Variants in RYR2 observed in about 807,000 individuals in gnomAD.
RYR2 encodes the protein cardiac muscle ryanodine receptor-calcium release channel.
RYR2 carries 227 observed loss-of-function variants against 601.1 expected under a neutral mutation model. The ratio of observed to expected loss-of-function variants is 0.38; its 90% CI spans 0.34 to 0.42. RYR2 has a LOEUF of 0.42. Ranked by LOEUF, RYR2 falls within the 10% of genes least tolerant of loss-of-function variation. The probability of loss-of-function intolerance (pLI) is 1.00; values close to 1 mark genes in which losing one functional copy is unlikely to be tolerated. For synonymous variants in RYR2, 2,223 were observed against 2,175.1 expected (o/e 1.02, Z -0.61); for missense variants, 4,646 against 6,156.5 (o/e 0.75, Z 8.21).
chr1:237,417,818 T>C (rs1264059043), intron 11 of RYR2, among the ~76,000 whole-genome samples: 1 of 152,138 alleles, frequency 6.6e-6, no homozygotes, highest in African/African-American at 2.4e-5. Flanking sequence ...CTATTTTAAG[T>C]AGAATTAAAA....
intron 1 of RYR2, among the ~76,000 whole-genome samples, chr1:237,102,428 C>T (rs1430982172): frequency 6.6e-6 from 1 of 152,238 alleles, no homozygotes; most frequent in East Asian, 1.9e-4. Context: ...AATACAGATA[C>T]ATCCATGAGG....
chr1:237,438,055 C>A (rs1231214396), intron 12 of RYR2, among the ~76,000 whole-genome samples: 1 of 152,054 alleles, frequency 6.6e-6, no homozygotes, highest in African/African-American at 2.4e-5. Context: ...TACTGATTAA[C>A]TTTTAATTTC....
intron 2 of RYR2, among the ~76,000 whole-genome samples, chr1:237,317,781 C>A (rs373125090): frequency 2.0e-5 from 3 of 151,918 alleles, no homozygotes; most frequent in Non-Finnish European, 2.9e-5. Flanking sequence ...GTAGCTGTTT[C>A]ACCTCTTACG....
intron 102 of RYR2, among the ~76,000 whole-genome samples, chr1:237,829,708 G>T (rs1324232953): frequency 6.6e-6 from 1 of 152,192 alleles, no homozygotes; most frequent in African/African-American, 2.4e-5. Context: ...TAATCATCTT[G>T]ATTGTAGTTC....
intron 92 of RYR2, among the ~76,000 whole-genome samples, chr1:237,790,237 C>A (rs1405592879): frequency 6.6e-6 from 1 of 152,132 alleles, no homozygotes; most frequent in Non-Finnish European, 1.5e-5. Context: ...TGCTGAGGCT[C>A]CCAAATTCAG....
At chr1:237,060,189 A>G (rs1046566410) in intron 1 of RYR2, among the ~76,000 whole-genome samples, 2 of 152,224 alleles carry the variant, frequency 1.3e-5, no homozygotes, top group Non-Finnish European at 2.9e-5. Flanking sequence ...AATACAAATT[A>G]TATATAAAAT....
chr1:237,526,901 T>A (rs1284557285), intron 24 of RYR2, among the ~76,000 whole-genome samples: 1 of 152,224 alleles, frequency 6.6e-6, no homozygotes, highest in Non-Finnish European at 1.5e-5. Flanking sequence ...CCTAGGCCAA[T>A]GTCCAGAAGA....
chr1:237,628,462 T>C (rs1176399338), intron 41 of RYR2, among the ~76,000 whole-genome samples: 3 of 149,136 alleles, frequency 2.0e-5, no homozygotes, highest in African/African-American at 5.0e-5. Flanking sequence ...TGAGTGAGAA[T>C]ATGCGGTGTT....
At chr1:237,486,714 C>A (rs761362992) in intron 17 of RYR2, among the ~76,000 whole-genome samples, 7 of 152,024 alleles carry the variant, frequency 4.6e-5, no homozygotes, top group Non-Finnish European at 1.0e-4. Flanking sequence ...TTTTAAAATA[C>A]GTTTCTTACT....
chr1:237,796,784 A>G (rs1659286693), intron 96 of RYR2, among the ~76,000 whole-genome samples: 1 of 149,360 alleles, frequency 6.7e-6, no homozygotes, highest in East Asian at 2.0e-4. Flanking sequence ...TGTTCCCTCC[A>G]TTTTCTTTTT....
chr1:237,652,769 C>G (rs1432514316), intron 51 of RYR2, among the ~76,000 whole-genome samples: 2 of 151,960 alleles, frequency 1.3e-5, no homozygotes, highest in African/African-American at 2.4e-5. Context: ...ATGCTGTTAC[C>G]CTTATGCAAT....
intron 101 of RYR2, 125 bp from the exon 102 acceptor site, chr1:237,828,256 G>A (rs981900589): frequency 2.0e-5 from 12 of 608,820 alleles, no homozygotes; most frequent in African/African-American, 1.3e-4. Context: ...ATGTAGTCAC[G>A]TTTACCATGT....
At chr1:237,703,598 A>G (rs900395570) in intron 66 of RYR2, among the ~76,000 whole-genome samples, 2 of 148,038 alleles carry the variant, frequency 1.4e-5, no homozygotes, top group South Asian at 2.1e-4. Context: ...AAATATATAC[A>G]TAAAACATAT....
At chr1:237,278,091 G>A (rs963094340) in intron 2 of RYR2, among the ~76,000 whole-genome samples, 3 of 151,626 alleles carry the variant, frequency 2.0e-5, no homozygotes, top group African/African-American at 7.3e-5. Context: ...GTTTTTTTGA[G>A]TCAGGATCTG....
chr1:237,428,367 A>G (rs1706423143), intron 12 of RYR2, among the ~76,000 whole-genome samples: 1 of 152,222 alleles, frequency 6.6e-6, no homozygotes, highest in African/African-American at 2.4e-5. Flanking sequence ...CATCAATGAT[A>G]GACCAGATAA....
chr1:237,612,494 A>G (rs7518640), intron 36 of RYR2, among the ~76,000 whole-genome samples: 104,535 of 152,074 alleles, frequency 0.69, 39,268 homozygotes, highest in Non-Finnish European at 0.82. Flanking sequence ...CTGGCTAGTT[A>G]ATTCTTTTTA....
At chr1:237,096,202 A>T (rs1399753727) in intron 1 of RYR2, among the ~76,000 whole-genome samples, 2 of 152,198 alleles carry the variant, frequency 1.3e-5, no homozygotes, top group Non-Finnish European at 2.9e-5. Flanking sequence ...GCAATGCCCT[A>T]TTTCAAATAC....
At chr1:237,519,472 G>T (rs942796952) in intron 24 of RYR2, among the ~76,000 whole-genome samples, 6 of 152,190 alleles carry the variant, frequency 3.9e-5, no homozygotes, top group African/African-American at 1.4e-4. Flanking sequence ...GAGAGATAGG[G>T]GACCAGTTTT....
intron 77 of RYR2, among the ~76,000 whole-genome samples, chr1:237,731,529 T>G (rs1377076100): frequency 6.6e-6 from 1 of 152,132 alleles, no homozygotes; most frequent in Non-Finnish European, 1.5e-5. Flanking sequence ...ATTTTCACAC[T>G]TGGGGTGACT....
Sources: gnomAD v4.1 joint callset for allele counts (sites outside exome capture counted in the v4.1 genomes callset) on GRCh38, gnomAD v4.1.1 for gene constraint, MANE v1.5 for transcripts, NCBI Gene and HGNC (gene_info 2026-07-23, HGNC 2026-07-21) for gene names.